The following TRIO variants were observed in gnomAD, a reference collection of about 807,000 sequenced individuals.
TRIO encodes triple functional domain protein.
A neutral mutation model predicts 351.9 loss-of-function variants in TRIO; 58 were observed. The ratio of observed to expected loss-of-function variants is 0.16; its 90% CI spans 0.13 to 0.21. The LOEUF (loss-of-function observed/expected upper bound fraction) is 0.21, where lower values mean the gene tolerates loss of function less well. TRIO is among the 10% of genes least tolerant of loss of function. The pLI, the probability that TRIO is intolerant of heterozygous loss-of-function variation, is 1.00. For synonymous variants in TRIO, 1,758 were observed against 1,595.7 expected (o/e 1.10, Z -2.42); for missense variants, 3,201 against 4,027.8 (o/e 0.79, Z 5.56).
intron 2 of TRIO, among the ~76,000 whole-genome samples, chr5:14,278,341 C>G (rs1476748371): frequency 6.6e-6 from 1 of 152,148 alleles, no homozygotes; most frequent in East Asian, 1.9e-4. Context: ...CTTCTCACAC[C>G]CGTGGTGGAG....
chr5:14,312,228 C>A (rs1185143565), intron 8 of TRIO, among the ~76,000 whole-genome samples: 1 of 152,172 alleles, frequency 6.6e-6, no homozygotes. Context: ...ATCCAAGTTA[C>A]AAGTCTATGT....
chr5:14,309,960 A>G (rs954282920), intron 8 of TRIO, among the ~76,000 whole-genome samples: 1 of 152,154 alleles, frequency 6.6e-6, no homozygotes, highest in Non-Finnish European at 1.5e-5. Flanking sequence ...AAACTTTCCC[A>G]GCATTTTTCT....
intron 46 of TRIO, 36 bp downstream of exon 46, chr5:14,482,809 C>T (rs1755629952): frequency 2.7e-6 from 4 of 1,467,480 alleles, no homozygotes; most frequent in Non-Finnish European, 3.7e-6. Flanking sequence ...TCTGTGCCAG[C>T]GCATGTACCC....
chr5:14,323,933 A>G (rs938307116), intron 9 of TRIO, among the ~76,000 whole-genome samples: 1 of 151,930 alleles, frequency 6.6e-6, no homozygotes, highest in Non-Finnish European at 1.5e-5. Context: ...TCTACGTGAA[A>G]GTCTTCCTTT....
chr5:14,456,378 G>A (rs942910912), intron 34 of TRIO, among the ~76,000 whole-genome samples: 1 of 152,250 alleles, frequency 6.6e-6, no homozygotes, highest in African/African-American at 2.4e-5. Context: ...AAGTGGAGGT[G>A]GTGCTGAGAA....
rs901237415 is a variant in TRIO, at chr5:14,286,476, G to A, written c.348-395G>A. Among the ~76,000 whole-genome samples, 1 of 152,154 alleles carries A rather than the reference G, an allele frequency of 6.6e-6. No individual in the cohort carries two copies. The highest frequency in any genetic ancestry group is 2.4e-5 in the African/African-American group (1 of 41,432). ...CCCAGTCTGGGTTTTGTTGCAGGCT[G>A]TCAGGGTTTTGTACTCACCCGATGC... is the stretch of plus-strand genomic sequence containing the variant. On this transcript the variant is annotated intron_variant, in intron 3 of 56. Transcript: ENST00000344204. This position sits in a 1 kb window ranked among gnomAD's most constrained non-coding sequence, Gnocchi z 4.4.
At chr5:14,309,319 AT>A (rs960286446) in intron 8 of TRIO, among the ~76,000 whole-genome samples, 7 of 151,992 alleles carry the variant, frequency 4.6e-5, no homozygotes, top group African/African-American at 1.7e-4. Flanking sequence ...TATTTGCTCC[AT>A]TTCCCAACCA....
chr5:14,414,725 GTCC>G (rs777072828), intron 33 of TRIO, among the ~76,000 whole-genome samples: 2 of 150,388 alleles, frequency 1.3e-5, no homozygotes, highest in Admixed American at 6.6e-5. Context: ...TATCACAATA[GTCC>G]TCCTCTTTTA....
intron 1 of TRIO, among the ~76,000 whole-genome samples, chr5:14,147,706 AT>A (rs1246977619): frequency 6.6e-6 from 1 of 152,208 alleles, no homozygotes; most frequent in Admixed American, 6.5e-5. Flanking sequence ...ATATTTTGAT[AT>A]GACGGTTTCC....
intron 11 of TRIO, among the ~76,000 whole-genome samples, chr5:14,350,808 A>C (rs1743011913): frequency 6.6e-6 from 1 of 152,070 alleles, no homozygotes; most frequent in Non-Finnish European, 1.5e-5. Flanking sequence ...GATCATATTA[A>C]GGCGGCGGTC....
rs1001937127 is a variant in TRIO, at chr5:14,199,592, G to A, written c.157+55710G>A. On this transcript the variant is annotated intron_variant, in intron 1 of 56. Coordinates refer to ENST00000344204, the MANE Select transcript of TRIO (RefSeq NM_007118.4). ...CTGGTATCAGTGGGCTTATGGAGAG[G>A]ATGGCAGAGAAGCTTCTTGGGCCTG... Among the ~76,000 whole-genome samples the A allele has an allele frequency of 3.3e-5, 5 of 152,328 alleles. No individual in the cohort carries two copies. The East Asian group carries it at 9.6e-4, about 29-fold the overall frequency.
At chr5:14,316,979 G>A (rs1469582924) in intron 9 of TRIO, among the ~76,000 whole-genome samples, 4 of 152,176 alleles carry the variant, frequency 2.6e-5, no homozygotes, top group African/African-American at 7.2e-5. Context: ...ACACTGGGAA[G>A]TTTTCTTCTA....
intron 52 of TRIO, 24 bp downstream of exon 52, chr5:14,498,275 G>GGTTTCGCTGGCTGGGAGCA: frequency 1.2e-6 from 2 of 1,606,756 alleles, no homozygotes; most frequent in South Asian, 2.2e-5. Context: ...ACTCCTGGTG[G>GGTTTCGCTGGCTGGGAGCA]GTTTCGCTGG....
chr5:14,317,413 T>A (rs149829080), intron 9 of TRIO, among the ~76,000 whole-genome samples: 85 of 152,260 alleles, frequency 5.6e-4, no homozygotes, highest in Non-Finnish European at 1.0e-3. Context: ...GACAAGGGAA[T>A]GAATGAGGTG....
intron 1 of TRIO, among the ~76,000 whole-genome samples, chr5:14,207,829 A>G (rs1410709690): frequency 6.6e-6 from 1 of 152,226 alleles, no homozygotes; most frequent in African/African-American, 2.4e-5. Flanking sequence ...TTATAACACA[A>G]TAAAAAGAAC....
At chr5:14,356,671 A>C (rs55773296) in intron 11 of TRIO, among the ~76,000 whole-genome samples, 5,238 of 152,274 alleles carry the variant, frequency 0.034, 325 homozygotes, top group African/African-American at 0.12. Flanking sequence ...GTTGTGCCCA[A>C]ATGTTTACAG....
At chr5:14,485,430 A>G (rs1263484343) in intron 47 of TRIO, among the ~76,000 whole-genome samples, 184 bp downstream of exon 47, 2 of 152,160 alleles carry the variant, frequency 1.3e-5, no homozygotes, top group African/African-American at 4.8e-5. Context: ...TACTATTATT[A>G]TTCCTGCTTT....
chr5:14,378,084 A>G lies in TRIO; in HGVS notation c.3404A>G (p.Asp1135Gly). Reference protein sequence around the residue: ...HYWTMRKRRLDQCQQYVVFER... With the variant: ...HYWTMRKRRLGQCQQYVVFER... ...TGGACCATGAGGAAGAGACGGCTGGACCAGTGTCAGCAGTACGTGGTCTTT... is the reference window on the plus strand; with the variant it reads ...TGGACCATGAGGAAGAGACGGCTGGGCCAGTGTCAGCAGTACGTGGTCTTT... Residue 1135 changes from aspartate to glycine, a missense_variant, in exon 20 of 57, where the codon GAC (aspartate) becomes GGC (glycine). Physicochemically the swap from Asp to Gly is moderately conservative, Grantham distance 94 (BLOSUM62 -1). Around this residue, in one of 19 missense-constraint regions of TRIO, gnomAD observed 201 missense variants for 266.5 expected, o/e 0.75. Transcript: ENST00000344204. 1 of 1,613,590 alleles carries G rather than the reference A, an allele frequency of 6.2e-7. No homozygotes were observed. Among genetic ancestry groups the G allele is most frequent in the Non-Finnish European group, 8.5e-7 (1 of 1,179,822 alleles).
rs1387255070 is a variant in TRIO at position 14,143,601 on chromosome 5, G to A, written c.-125G>A. ...CCGCCCCCCGCCGCCCCGGGGCTCT[G>A]CGTCCGCGCGCCGGGCGCGGGCAGC... On this transcript the variant is annotated 5_prime_UTR_variant, in exon 1 of 57. Transcript: ENST00000344204. The A allele has an allele frequency of 2.7e-5, 6 of 223,768 alleles. No homozygotes were observed. The highest frequency in any genetic ancestry group is 4.4e-5 in the Non-Finnish European group (6 of 136,488). The allele number at this position is 223,768 out of a possible 1,614,324, so 13.9% of individuals were successfully genotyped here. A position where few individuals can be genotyped will look rare whatever the true frequency, so the allele number is the denominator to read the frequency against.
Sources: allele counts gnomAD v4.1 joint callset (sites outside exome capture counted in the v4.1 genomes callset), GRCh38; gene constraint gnomAD v4.1.1; regional missense constraint gnomAD v4.1.1; non-coding constraint Gnocchi (gnomAD v3.1); transcripts MANE v1.5; gene names NCBI Gene and HGNC (gene_info 2026-07-23, HGNC 2026-07-21).